KIF26B: variants seen among roughly 807,000 people sequenced by gnomAD.
KIF26B encodes the protein kinesin family member 26B.
KIF26B carries 63 observed loss-of-function variants against 151.2 expected under a neutral mutation model. The observed-to-expected ratio is 0.42, with a 90% CI of 0.34 to 0.51. The LOEUF (loss-of-function observed/expected upper bound fraction) is 0.51, where lower values mean the gene tolerates loss of function less well. Ranked by LOEUF, KIF26B falls within the 20% of genes least tolerant of loss-of-function variation. KIF26B has a pLI of 0.07. For missense variants in KIF26B, 2,813 were observed against 2,913.6 expected, an observed-to-expected ratio of 0.97 and a Z score of 0.79; for synonymous variants, 1,357 against 1,262.1, an observed-to-expected ratio of 1.08 and a Z score of -1.59.
At chr1:245,436,560 C>G (rs1046703556) in intron 4 of KIF26B, among the ~76,000 whole-genome samples, 9 of 152,148 alleles carry the variant, frequency 5.9e-5, no homozygotes, top group African/African-American at 2.2e-4. Flanking sequence ...GATGTTGCAG[C>G]CTGGAGTCCA....
chr1:245,258,748 TGG>T (rs911145877), intron 2 of KIF26B, among the ~76,000 whole-genome samples: 8 of 151,384 alleles, frequency 5.3e-5, no homozygotes, highest in African/African-American at 1.7e-4. Flanking sequence ...CACAGCATGG[TGG>T]GGGGGCATGA....
At chr1:245,348,615 T>C (rs1672505546) in intron 2 of KIF26B, among the ~76,000 whole-genome samples, 1 of 152,116 alleles carries the variant, frequency 6.6e-6, no homozygotes, top group Admixed American at 6.5e-5. Context: ...GACTCCACCC[T>C]CATGACCTGA....
At chr1:245,380,650 A>T (rs777500445) in intron 3 of KIF26B, among the ~76,000 whole-genome samples, 28 of 152,092 alleles carry the variant, frequency 1.8e-4, no homozygotes, top group Non-Finnish European at 3.8e-4. Flanking sequence ...CAGCGATGGG[A>T]GTCAAACACA....
chr1:245,256,662 A>G (rs1670542104), intron 2 of KIF26B, among the ~76,000 whole-genome samples: 1 of 152,172 alleles, frequency 6.6e-6, no homozygotes, highest in Admixed American at 6.5e-5. Flanking sequence ...ATGCTAATCC[A>G]GGCGGTGATG....
intron 5 of KIF26B, among the ~76,000 whole-genome samples, chr1:245,586,859 G>A (rs1446416336): frequency 6.8e-6 from 1 of 147,080 alleles, no homozygotes; most frequent in African/African-American, 2.6e-5. Flanking sequence ...GCAGTCCGCA[G>A]TCCGGCCTGG....
chr1:245,454,254 A>T (rs1449213687), intron 4 of KIF26B, among the ~76,000 whole-genome samples: 2 of 152,192 alleles, frequency 1.3e-5, no homozygotes, highest in African/African-American at 4.8e-5. Context: ...CTCTAACTTA[A>T]TCAGCCTGGC....
At chr1:245,633,183 C>T (rs2043799879) in intron 9 of KIF26B, among the ~76,000 whole-genome samples, 1 of 151,270 alleles carries the variant, frequency 6.6e-6, no homozygotes, top group Admixed American at 6.6e-5. Flanking sequence ...CTTTTGGTTT[C>T]TATTTTCATG....
intron 12 of KIF26B, among the ~76,000 whole-genome samples, chr1:245,693,444 G>A (rs2044652072): frequency 1.3e-5 from 2 of 152,214 alleles, no homozygotes; most frequent in African/African-American, 2.4e-5. Context: ...TGGTTGCTTG[G>A]TTGGCGGCAC....
At chr1:245,662,475 T>TAC (rs200187599) in intron 10 of KIF26B, among the ~76,000 whole-genome samples, 93,693 of 142,280 alleles carry the variant, frequency 0.66, 31,025 homozygotes, top group East Asian at 0.82. Flanking sequence ...GATACATATA[T>TAC]ACACACACCC....
Position 245,688,469 on chromosome 1 carries a change from C to T in KIF26B, c.5486C>T (p.Ala1829Val). 5.1e-6 allele frequency: 7 copies of T among 1,375,324 alleles called. No individual in the cohort carries two copies. The South Asian group carries it at 5.3e-5, about 10-fold the overall frequency. 85.2% of individuals were successfully genotyped at this position (1,375,324 alleles called of 1,614,324 possible). A position where few individuals can be genotyped will look rare whatever the true frequency, so the allele number is the denominator to read the frequency against. Residue 1829 changes from alanine to valine, a missense_variant, in exon 12 of 15, where the codon GCG becomes GTG. Coordinates refer to ENST00000407071, the MANE Select transcript of KIF26B (RefSeq NM_018012.4). ...TTGCAGCTGCGGGCCGGGCCCGAGG[C>T]GGAGGCGCGCGGGGGGGCCCTGGCC... ...RGLQLRAGPE[A>V]EARGGALAED...
At chr1:245,457,368 C>G (rs1056470319) in intron 4 of KIF26B, among the ~76,000 whole-genome samples, 6 of 152,106 alleles carry the variant, frequency 3.9e-5, no homozygotes, top group Non-Finnish European at 8.8e-5. Context: ...CTAATGTTAG[C>G]GGAACATCAC....
chr1:245,387,876 C>G (rs879371721), intron 3 of KIF26B, among the ~76,000 whole-genome samples: 5 of 152,180 alleles, frequency 3.3e-5, no homozygotes, highest in Non-Finnish European at 7.3e-5. Context: ...ATCTCTCTCC[C>G]TCATCCACTT....
At chr1:245,487,917 A>C (rs1253076160) in intron 4 of KIF26B, among the ~76,000 whole-genome samples, 1 of 151,812 alleles carries the variant, frequency 6.6e-6, no homozygotes, top group African/African-American at 2.4e-5. Context: ...GCCTCCTGAG[A>C]AGCTGGGATT....
chr1:245,188,483 G>A (rs905709986), intron 2 of KIF26B, among the ~76,000 whole-genome samples: 20 of 152,050 alleles, frequency 1.3e-4, no homozygotes, highest in Non-Finnish European at 2.9e-4. Context: ...TCAATTCAGA[G>A]AGACATTTCA....
chr1:245,505,585 G>T (rs183693724), intron 4 of KIF26B, among the ~76,000 whole-genome samples: 1 of 151,458 alleles, frequency 6.6e-6, no homozygotes, highest in Non-Finnish European at 1.5e-5. Context: ...GGGTTTCACC[G>T]TGTTGGCCAG....
chr1:245,701,087 T>C (rs2044765130), intron 14 of KIF26B, among the ~76,000 whole-genome samples: 1 of 152,240 alleles, frequency 6.6e-6, no homozygotes. Flanking sequence ...TCAATACATA[T>C]GTGTTTAGAT....
chr1:245,621,000 C>T (rs1371743610), intron 9 of KIF26B, among the ~76,000 whole-genome samples: 3 of 152,128 alleles, frequency 2.0e-5, no homozygotes, highest in Non-Finnish European at 2.9e-5. Context: ...CAGAGCATTG[C>T]TGAACCTGGC....
At chr1:245,611,452 A>G (rs971122556) in intron 8 of KIF26B, among the ~76,000 whole-genome samples, 16 of 152,196 alleles carry the variant, frequency 1.1e-4, no homozygotes, top group African/African-American at 3.9e-4. Context: ...ATGGATAGCC[A>G]GGGGTGTTGG....
intron 5 of KIF26B, among the ~76,000 whole-genome samples, chr1:245,567,888 A>G (rs1572132477): frequency 6.6e-6 from 1 of 152,114 alleles, no homozygotes; most frequent in Non-Finnish European, 1.5e-5. Context: ...AGGGAAATGA[A>G]AAGTTCTTAA....
Sources: gnomAD v4.1 joint callset for allele counts (sites outside exome capture counted in the v4.1 genomes callset) on GRCh38, gnomAD v4.1.1 for gene constraint, MANE v1.5 for transcripts, NCBI Gene and HGNC (gene_info 2026-07-23, HGNC 2026-07-21) for gene names.